The following PTPRM variants were observed in gnomAD, a reference collection of about 807,000 sequenced individuals.
PTPRM encodes the protein protein tyrosine phosphatase receptor type M.
Under a neutral mutation model 186.7 loss-of-function variants are expected in PTPRM, and 47 were observed. That is an observed-to-expected ratio of 0.25 (90% CI 0.20 to 0.32). The LOEUF (loss-of-function observed/expected upper bound fraction) is 0.32. Ranked by LOEUF, PTPRM falls within the 10% of genes least tolerant of loss-of-function variation. The pLI, the probability that PTPRM is intolerant of heterozygous loss-of-function variation, is 1.00. For missense variants in PTPRM, 1,494 were observed against 1,865.0 expected, an observed-to-expected ratio of 0.80 and a Z score of 3.66; for synonymous variants, 668 against 674.9, an observed-to-expected ratio of 0.99 and a Z score of 0.16.
intron 2 of PTPRM, among the ~76,000 whole-genome samples, chr18:7,818,097 AC>A (rs1471025723): frequency 6.6e-6 from 1 of 151,990 alleles, no homozygotes; most frequent in African/African-American, 2.4e-5. Flanking sequence ...CTTAGCCAAC[AC>A]CCTCTTTGGA....
At chr18:7,651,782 C>T (rs559450161) in intron 1 of PTPRM, among the ~76,000 whole-genome samples, 2 of 152,238 alleles carry the variant, frequency 1.3e-5, no homozygotes, top group South Asian at 4.2e-4. Flanking sequence ...AACGTTAGAC[C>T]TAAAACCATA....
chr18:7,708,738 T>TA (rs2040149936), intron 1 of PTPRM, among the ~76,000 whole-genome samples: 1 of 152,176 alleles, frequency 6.6e-6, no homozygotes, highest in Middle Eastern at 3.2e-3. Context: ...TCATTTTTTT[T>TA]ATTTCTTTAG....
chr18:7,724,759 G>A (rs1038449797), intron 1 of PTPRM, among the ~76,000 whole-genome samples: 1 of 152,148 alleles, frequency 6.6e-6, no homozygotes, highest in African/African-American at 2.4e-5. Context: ...GCTGTTCCTC[G>A]TATATTCATA....
intron 1 of PTPRM, among the ~76,000 whole-genome samples, chr18:7,722,665 A>G (rs1242761466): frequency 7.0e-6 from 1 of 142,286 alleles, no homozygotes; most frequent in Non-Finnish European, 1.5e-5. Flanking sequence ...GTTTTTATGT[A>G]TGAAGAAAAC....
intron 7 of PTPRM, among the ~76,000 whole-genome samples, chr18:8,025,669 C>T (rs1011576953): frequency 2.6e-5 from 4 of 152,032 alleles, no homozygotes; most frequent in African/African-American, 7.2e-5. Context: ...ACGATATTAG[C>T]GAGAGAACTT....
intron 11 of PTPRM, among the ~76,000 whole-genome samples, chr18:8,102,507 T>C (rs2145561887): frequency 6.6e-6 from 1 of 152,356 alleles, no homozygotes; most frequent in Non-Finnish European, 1.5e-5. Flanking sequence ...AGATTTCATC[T>C]CAAGAAACCA....
intron 18 of PTPRM, among the ~76,000 whole-genome samples, chr18:8,252,862 G>A (rs1393104470): frequency 2.0e-5 from 3 of 151,966 alleles, no homozygotes; most frequent in Admixed American, 6.6e-5. Flanking sequence ...GTCATCATAC[G>A]AACTACTGAA....
At position 7,567,827 on chromosome 18, in the gene PTPRM, A is replaced by C. The variant is rs1401075664; in HGVS notation, c.9A>C (p.Gly3=). ...GGCCCGCACTCAGCACCATGAGGGG[A>C]CTTGGGACTTGCCTGGCGACTTTGG... is the stretch of plus-strand genomic sequence containing the variant. MR[G]LGTCLATLAG... is the part of the protein sequence containing the mutation. Residue 3 remains glycine (G), a synonymous_variant, in exon 1 of 33, where the codon GGA becomes GGC. Transcript: ENST00000580170. The surrounding 1 kb of genome is among the most constrained non-coding windows in gnomAD (Gnocchi z 4.3). 2 of 1,557,192 alleles carry C rather than the reference A, an allele frequency of 1.3e-6. No homozygotes were observed. Among genetic ancestry groups the C allele is most frequent in the Admixed American group, 3.9e-5 (2 of 51,062 alleles).
intron 1 of PTPRM, among the ~76,000 whole-genome samples, chr18:7,633,427 G>T (rs544515058): frequency 6.6e-6 from 1 of 152,222 alleles, no homozygotes; most frequent in Admixed American, 6.5e-5. Flanking sequence ...CATCCTTTCT[G>T]GTTTCTTCAA....
chr18:7,619,151 C>T (rs2037877718), intron 1 of PTPRM, among the ~76,000 whole-genome samples: 2 of 152,130 alleles, frequency 1.3e-5, no homozygotes, highest in South Asian at 4.1e-4. Context: ...CCATCCTGAT[C>T]TCCATTGGTG....
chr18:8,230,344 G>A (rs926396945), intron 14 of PTPRM, among the ~76,000 whole-genome samples: 9 of 152,334 alleles, frequency 5.9e-5, no homozygotes, highest in Admixed American at 3.9e-4. Context: ...TACAGTTAGC[G>A]ATGTTAGAAG....
At chr18:8,391,412 A>G (rs2095811776) in intron 31 of PTPRM, among the ~76,000 whole-genome samples, 1 of 152,256 alleles carries the variant, frequency 6.6e-6, no homozygotes. Flanking sequence ...TCTTAGCAAT[A>G]TAAAACAATA....
At chr18:7,777,065 A>C (rs1192628711) in intron 2 of PTPRM, among the ~76,000 whole-genome samples, 1 of 152,246 alleles carries the variant, frequency 6.6e-6, no homozygotes, top group Non-Finnish European at 1.5e-5. Context: ...ATGCTAAAAC[A>C]GAAATGACTC....
intron 1 of PTPRM, among the ~76,000 whole-genome samples, chr18:7,718,384 C>T (rs893308826): frequency 2.0e-5 from 3 of 152,134 alleles, no homozygotes; most frequent in Non-Finnish European, 4.4e-5. Flanking sequence ...AGTGGATCCT[C>T]ATCTTTCACC....
At chr18:8,386,959 C>G in intron 30 of PTPRM, 113 bp from the exon 31 acceptor site, 1 of 1,119,018 alleles carries the variant, frequency 8.9e-7, no homozygotes, top group South Asian at 1.5e-5. Context: ...AATTTGTAGG[C>G]AGGACTCGCC....
In PTPRM at chr18:8,330,228, A is replaced by G. The variant is rs781334709; in HGVS notation, c.2956+11014A>G. Among the ~76,000 whole-genome samples, 7 of 152,096 alleles carry G rather than the reference A, an allele frequency of 4.6e-5. No homozygotes were observed. The East Asian group carries it at 9.6e-4, about 21-fold the overall frequency. On this transcript the variant is annotated intron_variant, in intron 22 of 32. Transcript: ENST00000580170. ...TGGGCACCAGGTTTCTTTTTCACCC[A>G]TGGGCACAGTTTAGGACCAGTTTTT...
At chr18:7,806,354 C>T (rs921845135) in intron 2 of PTPRM, among the ~76,000 whole-genome samples, 1 of 152,042 alleles carries the variant, frequency 6.6e-6, no homozygotes, top group African/African-American at 2.4e-5. Context: ...ATATTGCAAG[C>T]ATATTAGAAA....
intron 7 of PTPRM, among the ~76,000 whole-genome samples, chr18:8,004,209 A>G (rs552962744): frequency 1.3e-5 from 2 of 152,282 alleles, no homozygotes; most frequent in Admixed American, 6.5e-5. Context: ...ACTGAAAGCA[A>G]CCACTTACTT....
rs2038307353 is a variant in PTPRM at position 7,636,161 on chromosome 18, C to G, written c.73+68270C>G. On this transcript the variant is annotated intron_variant, in intron 1 of 32. Coordinates refer to ENST00000580170, the MANE Select transcript of PTPRM (RefSeq NM_001105244.2). Reference sequence around the variant, plus strand: ...CTGAACTCTGGGAGCTGGCAGCCAGCCTGAATATGTCCTTTAAAGTGTACC... The same window carrying G: ...CTGAACTCTGGGAGCTGGCAGCCAGGCTGAATATGTCCTTTAAAGTGTACC... 2.7e-5 allele frequency among the ~76,000 whole-genome samples: 4 copies of G among 150,192 alleles called. No individual in the cohort carries two copies. In the South Asian group the frequency reaches 8.4e-4, roughly 31 times the overall value.
Sources: gnomAD v4.1 joint callset for allele counts (sites outside exome capture counted in the v4.1 genomes callset) on GRCh38, gnomAD v4.1.1 for gene constraint, Gnocchi (gnomAD v3.1) non-coding constraint, MANE v1.5 for transcripts, NCBI Gene and HGNC (gene_info 2026-07-23, HGNC 2026-07-21) for gene names.